The following MYO9A variants were observed in gnomAD, a reference collection of about 807,000 sequenced individuals.
The protein encoded by MYO9A is myosin IXA, also known as unconventional myosin-IXa.
Under a neutral mutation model 293.3 loss-of-function variants are expected in MYO9A, and 103 were observed. That is an observed-to-expected ratio of 0.35 (90% CI 0.30 to 0.41). MYO9A has a LOEUF of 0.41. MYO9A is among the 10% of genes least tolerant of loss of function. The pLI is 1.00. For synonymous variants in MYO9A, 1,001 were observed against 1,035.7 expected, an observed-to-expected ratio of 0.97 and a Z score of 0.64; for missense variants, 2,685 against 3,033.0, an observed-to-expected ratio of 0.89 and a Z score of 2.69.
chr15:71,974,011 C>G (rs1010613892), intron 12 of MYO9A, among the ~76,000 whole-genome samples: 1 of 152,118 alleles, frequency 6.6e-6, no homozygotes, highest in Non-Finnish European at 1.5e-5. Context: ...TGGGGGGCTA[C>G]AAATGAATGG....
chr15:72,062,303 GA>G (rs1390909374), intron 1 of MYO9A, among the ~76,000 whole-genome samples: 1 of 152,100 alleles, frequency 6.6e-6, no homozygotes, highest in African/African-American at 2.4e-5. Flanking sequence ...AGACACCAAC[GA>G]ACACCCACAG....
chr15:72,027,347 A>G (rs1469468375), intron 4 of MYO9A, among the ~76,000 whole-genome samples: 1 of 152,222 alleles, frequency 6.6e-6, no homozygotes, highest in African/African-American at 2.4e-5. Flanking sequence ...GATACCACAT[A>G]TATCATCTCT....
intron 39 of MYO9A, among the ~76,000 whole-genome samples, chr15:71,834,830 T>A (rs2054875507): frequency 6.6e-6 from 1 of 152,080 alleles, no homozygotes; most frequent in Non-Finnish European, 1.5e-5. Flanking sequence ...CATAAACACA[T>A]GCAAAAATCC....
chr15:71,895,516 G>T (rs1274596490), intron 25 of MYO9A, among the ~76,000 whole-genome samples: 1 of 152,052 alleles, frequency 6.6e-6, no homozygotes, highest in Non-Finnish European at 1.5e-5. Context: ...CTAAATACAT[G>T]ATCTTGAATA....
At chr15:71,927,551 G>A (rs769448143) in intron 18 of MYO9A, among the ~76,000 whole-genome samples, 1 of 152,092 alleles carries the variant, frequency 6.6e-6, no homozygotes, top group Non-Finnish European at 1.5e-5. Flanking sequence ...CAAATCCCAT[G>A]GCCGGCCCTG....
intron 19 of MYO9A, among the ~76,000 whole-genome samples, chr15:71,910,183 A>ATATATATAT (rs1555478430): frequency 4.7e-4 from 11 of 23,458 alleles, no homozygotes; most frequent in Non-Finnish European, 1.1e-3. Flanking sequence ...TATATATATA[A>ATATATATAT]AATCAGAAAC....
At chr15:72,027,631 C>T (rs952299194) in intron 4 of MYO9A, 100 bp downstream of exon 4, 6 of 912,740 alleles carry the variant, frequency 6.6e-6, no homozygotes, top group South Asian at 1.7e-5. Flanking sequence ...CTATGCATGA[C>T]GTAAACTGAA....
intron 1 of MYO9A, among the ~76,000 whole-genome samples, chr15:72,050,290 A>T (rs2078517357): frequency 1.3e-5 from 2 of 152,092 alleles, no homozygotes; most frequent in East Asian, 3.9e-4. Flanking sequence ...GCTTTCATCA[A>T]AATCATCTGG....
intron 4 of MYO9A, among the ~76,000 whole-genome samples, chr15:72,023,430 C>T (rs574765375): frequency 1.0e-3 from 154 of 152,106 alleles, no homozygotes; most frequent in African/African-American, 3.5e-3. Context: ...AGGCAGCTCA[C>T]GCTTATAACC....
chr15:72,022,958 C>G (rs1293038615), intron 4 of MYO9A, among the ~76,000 whole-genome samples: 1 of 152,124 alleles, frequency 6.6e-6, no homozygotes, highest in Non-Finnish European at 1.5e-5. Flanking sequence ...ATAACTGTCC[C>G]TGAAAAAACC....
intron 13 of MYO9A, among the ~76,000 whole-genome samples, chr15:71,964,599 G>A (rs145764140): frequency 0.013 from 1,836 of 144,660 alleles, 24 homozygotes; most frequent in African/African-American, 0.021. Context: ...GGCCAACATG[G>A]TGACACCCCA....
Position 72,010,450 on chromosome 15 carries a change from G to A in MYO9A, c.1156-3C>T, listed in dbSNP as rs369686788. On this transcript the variant is annotated splice_region_variant and splice_polypyrimidine_tract_variant and intron_variant, in intron 6 of 41. Coordinates refer to ENST00000356056, the MANE Select transcript of MYO9A (RefSeq NM_006901.4). ...TCTCCTTCCACCGTGAAGCAATCCT[G>A]CTTATTTAAAATAAAAGTTTAAAAA... 6.2e-7 allele frequency: 1 copy of A among 1,608,444 alleles called. No homozygotes were observed. Among genetic ancestry groups the A allele is most frequent in the Non-Finnish European group, 8.5e-7 (1 of 1,176,646 alleles).
At position 71,824,438 on chromosome 15, in the gene MYO9A, C is replaced by A. The variant is rs150595879; in HGVS notation, c.*2142G>T. ...CAGGAAATTATTCCATAAGGGCAAT[C>A]TCTTTTTTTCATACAGGATTTAACC... On this transcript the variant is annotated 3_prime_UTR_variant, in exon 42 of 42. Coordinates refer to ENST00000356056, the MANE Select transcript of MYO9A (RefSeq NM_006901.4). 6.6e-6 allele frequency: 1 copy of A among 152,146 alleles called. No individual in the cohort carries two copies. The highest frequency in any genetic ancestry group is 1.5e-5 in the Non-Finnish European group (1 of 68,028). 9.4% of individuals were successfully genotyped at this position (152,146 alleles called of 1,614,324 possible).
chr15:72,034,257 A>G (rs1278366389), intron 2 of MYO9A, among the ~76,000 whole-genome samples: 1 of 152,222 alleles, frequency 6.6e-6, no homozygotes, highest in Non-Finnish European at 1.5e-5. Context: ...AACTCTGAGG[A>G]TAAGGTCCAG....
chr15:71,861,788 G>A (rs1205080472), intron 33 of MYO9A, among the ~76,000 whole-genome samples: 2 of 152,028 alleles, frequency 1.3e-5, no homozygotes. Flanking sequence ...AATTTTGGGT[G>A]GTAATAAGTT....
chr15:72,020,803 T>C (rs954567897), intron 5 of MYO9A, 115 bp downstream of exon 5: 8 of 517,354 alleles, frequency 1.5e-5, no homozygotes, highest in Non-Finnish European at 2.5e-5. Flanking sequence ...AGTACATATA[T>C]GAAAATGCTA....
chr15:72,029,009 G>C (rs1311268214), intron 3 of MYO9A, among the ~76,000 whole-genome samples: 7 of 152,114 alleles, frequency 4.6e-5, no homozygotes, highest in Non-Finnish European at 8.8e-5. Flanking sequence ...GCAATGACCA[G>C]GATATTATGC....
At chr15:72,066,499 A>AG (rs59604561) in intron 1 of MYO9A, among the ~76,000 whole-genome samples, 8 of 149,872 alleles carry the variant, frequency 5.3e-5, no homozygotes, top group Non-Finnish European at 1.0e-4. Flanking sequence ...AAAAAAAAAA[A>AG]GAAAGAAAGA....
chr15:72,016,689 A>G (rs2077349103), intron 6 of MYO9A, among the ~76,000 whole-genome samples: 2 of 152,230 alleles, frequency 1.3e-5, no homozygotes, highest in Admixed American at 1.3e-4. Context: ...AACATAAGAA[A>G]AACAATCAGA....
Sources: gnomAD v4.1 joint callset for allele counts (sites outside exome capture counted in the v4.1 genomes callset) on GRCh38, gnomAD v4.1.1 for gene constraint, MANE v1.5 for transcripts, NCBI Gene and HGNC (gene_info 2026-07-23, HGNC 2026-07-21) for gene names.